Variants in VPS13C observed in about 807,000 individuals in gnomAD.
VPS13C encodes the protein vacuolar protein sorting 13 homolog C, also known as intermembrane lipid transfer protein VPS13C.
A neutral mutation model predicts 456.8 loss-of-function variants in VPS13C; 358 were observed. The observed-to-expected ratio is 0.78, with a 90% confidence interval of 0.72 to 0.86. VPS13C has a LOEUF of 0.86. VPS13C is among the 40% of genes least tolerant of loss of function. VPS13C has a pLI of 0.00. For synonymous variants in VPS13C, 1,578 were observed against 1,486.7 expected (o/e 1.06, Z -1.41); for missense variants, 4,818 against 4,385.4 (o/e 1.10, Z -2.79).
intron 67 of VPS13C, 126 bp downstream of exon 67, chr15:61,890,039 G>T: frequency 1.2e-6 from 1 of 801,860 alleles, no homozygotes; most frequent in Non-Finnish European, 1.9e-6. Context: ...TATTCAGTAA[G>T]CTTTACTGAA....
chr15:61,927,731 A>C (rs1021213858), intron 51 of VPS13C, among the ~76,000 whole-genome samples: 2 of 152,206 alleles, frequency 1.3e-5, no homozygotes, highest in Admixed American at 6.5e-5. Flanking sequence ...GCTGCTATAA[A>C]GACACATGCA....
chr15:61,995,972 C>A (rs1194746150), intron 16 of VPS13C, among the ~76,000 whole-genome samples: 1 of 152,182 alleles, frequency 6.6e-6, no homozygotes, highest in Non-Finnish European at 1.5e-5. Flanking sequence ...ACATGGAGCA[C>A]AGTTGCACAG....
intron 1 of VPS13C, among the ~76,000 whole-genome samples, chr15:62,050,343 C>T (rs1318139237): frequency 2.0e-5 from 3 of 152,136 alleles, no homozygotes; most frequent in African/African-American, 7.2e-5. Context: ...CTGACAGGCC[C>T]ATGGGAGGAG....
Position 61,967,436 on chromosome 15 carries a change from TC to T in VPS13C, c.2922del (p.Lys975SerfsTer5). On this transcript the variant is annotated frameshift_variant, in exon 29 of 85. Coordinates refer to ENST00000644861, the MANE Select transcript of VPS13C (RefSeq NM_020821.3). LOFTEE classifies it high-confidence loss of function. ...LDYHEIEGSK[R>X]KPLHLISSSD... ...GAAGAGCTAATCAAGTGAAGGGGCT[TC>T]CTTTTGGATCCTAGATTAAAGAAAA... The T allele has an allele frequency of 1.3e-6, 2 of 1,596,294 alleles. No individual in the cohort carries two copies. The highest frequency in any genetic ancestry group is 1.1e-5 in the South Asian group (1 of 87,282).
chr15:61,922,487 A>G lies in VPS13C; in HGVS notation c.6885T>C (p.Thr2295=), dbSNP rs535986992. 5.9e-5 allele frequency: 96 copies of G among 1,614,122 alleles called. 1 individual carries two copies. The South Asian group carries it at 9.7e-4, about 16-fold the overall frequency. Reference sequence around the variant, plus strand: ...TAGACTCTGCCAATAATAAAGGTACAGTTCGATGTCCAAGGCCACATTCTA... The same window carrying G: ...TAGACTCTGCCAATAATAAAGGTACGGTTCGATGTCCAAGGCCACATTCTA... ...VTLECGLGHR[T]VPLLLAESKF... The change falls in exon 54 of 85, where the codon ACT becomes ACC. Residue 2295 remains threonine, a synonymous_variant. Coordinates refer to ENST00000644861, the MANE Select transcript of VPS13C (RefSeq NM_020821.3).
intron 64 of VPS13C, 91 bp downstream of exon 64, chr15:61,910,086 C>A: frequency 1.3e-6 from 1 of 755,298 alleles, no homozygotes; most frequent in Non-Finnish European, 1.7e-6. Flanking sequence ...TGTAACAAAC[C>A]TGCACGTTCT....
intron 66 of VPS13C, among the ~76,000 whole-genome samples, chr15:61,902,606 T>TC (rs1444266941): frequency 6.7e-6 from 1 of 149,252 alleles, no homozygotes; most frequent in Non-Finnish European, 1.5e-5. Context: ...CATGTGATCA[T>TC]TTCAACAGAT....
intron 9 of VPS13C, among the ~76,000 whole-genome samples, chr15:62,016,624 G>C (rs2047260644): frequency 6.6e-6 from 1 of 151,936 alleles, no homozygotes; most frequent in African/African-American, 2.4e-5. Context: ...TGGCTGCATA[G>C]TATTCCATGG....
rs1258291102 is a variant in VPS13C at position 61,880,733 on chromosome 15, T to C, written c.9889-11A>G. On this transcript the variant is annotated splice_polypyrimidine_tract_variant and intron_variant, in intron 72 of 84. Transcript: ENST00000644861. ...TTGGATTAACTTTGTCTGAAAAAAA[T>C]AAAATCAAGAATTTCTATTTTAATT... 1.9e-6 allele frequency: 3 copies of C among 1,555,120 alleles called. No individual in the cohort carries two copies. The highest frequency in any genetic ancestry group is 2.4e-5 in the South Asian group (2 of 82,026).
rs2047338711 is a variant in VPS13C, at chr15:62,018,442, T to C, written c.684+2037A>G. The stretch of plus-strand genomic sequence containing the variant: ...GTGGGTTTTTCATAAATAGCTCTTA[T>C]TATTTTGAGATACATCCCATCAATA... On this transcript the variant is annotated intron_variant, in intron 9 of 84. Transcript: ENST00000644861. Among the ~76,000 whole-genome samples the C allele has an allele frequency of 2.6e-5, 4 of 151,840 alleles. No individual in the cohort carries two copies. The South Asian group carries it at 8.3e-4, about 32-fold the overall frequency.
At chr15:61,917,206 T>C in intron 60 of VPS13C, 135 bp downstream of exon 60, 1 of 917,160 alleles carries the variant, frequency 1.1e-6, no homozygotes, top group African/African-American at 1.7e-5. Flanking sequence ...GTTTTTGCTA[T>C]CATTAACATT....
chr15:62,000,674 A>G (rs2140458497), intron 15 of VPS13C, 48 bp from the exon 16 acceptor site: 1 of 1,523,118 alleles, frequency 6.6e-7, no homozygotes, highest in Non-Finnish European at 8.9e-7. Flanking sequence ...ATCATTAGAT[A>G]AAAGAAATTT....
chr15:61,884,013 A>G (rs1896078069), intron 68 of VPS13C, 115 bp downstream of exon 68: 2 of 879,812 alleles, frequency 2.3e-6, no homozygotes, highest in Non-Finnish European at 3.3e-6. Flanking sequence ...AAGTTTATCT[A>G]CCAATAAATA....
chr15:62,018,649 G>A (rs1007973904), intron 9 of VPS13C, among the ~76,000 whole-genome samples: 2 of 151,762 alleles, frequency 1.3e-5, no homozygotes, highest in African/African-American at 2.4e-5. Flanking sequence ...TCTTGTCCAT[G>A]GTGGATAAGC....
In VPS13C at chr15:61,907,539, A is replaced by G. The variant is rs544282882; in HGVS notation, c.8979-149T>C. 4 of 1,056,190 alleles carry G rather than the reference A, an allele frequency of 3.8e-6. No homozygotes were observed. In the South Asian group the frequency reaches 6.8e-5, roughly 18 times the overall value. The allele number at this position is 1,056,190 out of a possible 1,614,324, so 65.4% of individuals were successfully genotyped here. On this transcript the variant is annotated intron_variant, in intron 65 of 84. Coordinates refer to ENST00000644861, the MANE Select transcript of VPS13C (RefSeq NM_020821.3). ...ACTCTACCTAAAAACAAGTACCCTA[A>G]AATATCTAATAAACTCATGGTTTTT... is the stretch of plus-strand genomic sequence containing the variant.
intron 67 of VPS13C, among the ~76,000 whole-genome samples, chr15:61,886,206 G>GT (rs1468901564): frequency 4.0e-5 from 6 of 151,890 alleles, no homozygotes; most frequent in Non-Finnish European, 7.4e-5. Flanking sequence ...CCTCATTATT[G>GT]TTTTTTGTAT....
intron 42 of VPS13C, among the ~76,000 whole-genome samples, chr15:61,948,948 G>A (rs750200669): frequency 2.6e-4 from 40 of 152,102 alleles, no homozygotes; most frequent in African/African-American, 8.2e-4. Flanking sequence ...TGAGGACCCT[G>A]TGCCCATATC....
intron 52 of VPS13C, among the ~76,000 whole-genome samples, chr15:61,926,712 C>T (rs1010494633): frequency 1.3e-5 from 2 of 152,092 alleles, no homozygotes; most frequent in African/African-American, 2.4e-5. Context: ...AGAACACCAC[C>T]GCTTTTGGCG....
intron 66 of VPS13C, among the ~76,000 whole-genome samples, chr15:61,896,991 C>T (rs1173360370): frequency 6.6e-6 from 1 of 152,230 alleles, no homozygotes; most frequent in Non-Finnish European, 1.5e-5. Flanking sequence ...AACAGGGGCA[C>T]AGTGACACCT....
Sources: allele counts gnomAD v4.1 joint callset (sites outside exome capture counted in the v4.1 genomes callset), GRCh38; gene constraint gnomAD v4.1.1; transcripts MANE v1.5; gene names NCBI Gene and HGNC (gene_info 2026-07-23, HGNC 2026-07-21).